NRXN1: variants seen among roughly 807,000 people sequenced by gnomAD.
NRXN1 encodes neurexin 1.
In NRXN1, 39 loss-of-function variants were observed where a neutral mutation model predicts 150.9. The observed-to-expected ratio is 0.26, with a 90% CI of 0.20 to 0.34. NRXN1 has a LOEUF of 0.34. Ranked by LOEUF, NRXN1 falls within the 10% of genes least tolerant of loss-of-function variation. The pLI is 1.00. For missense variants in NRXN1, 1,815 were observed against 1,949.9 expected (o/e 0.93, Z 1.30); for synonymous variants, 924 against 757.0 (o/e 1.22, Z -3.62).
intron 17 of NRXN1, among the ~76,000 whole-genome samples, chr2:50,315,364 C>A (rs1441881109): frequency 6.6e-6 from 1 of 152,038 alleles, no homozygotes; most frequent in Non-Finnish European, 1.5e-5. Flanking sequence ...CAATGGAAAC[C>A]ATATTTAGAA....
chr2:50,033,075 T>G (rs1689427294), intron 21 of NRXN1, among the ~76,000 whole-genome samples: 1 of 151,890 alleles, frequency 6.6e-6, no homozygotes. Context: ...ATGTTATATT[T>G]GTCTCTATTA....
chr2:50,748,668 G>A (rs1700258924), intron 5 of NRXN1, among the ~76,000 whole-genome samples: 1 of 152,048 alleles, frequency 6.6e-6, no homozygotes, highest in African/African-American at 2.4e-5. Flanking sequence ...GTAATTGATA[G>A]CTTTTCACCC....
At chr2:50,478,712 A>G (rs1227249573) in intron 15 of NRXN1, among the ~76,000 whole-genome samples, 1 of 152,194 alleles carries the variant, frequency 6.6e-6, no homozygotes, top group Admixed American at 6.5e-5. Context: ...TCAAACCTTC[A>G]TCATCTCCCT....
intron 5 of NRXN1, among the ~76,000 whole-genome samples, chr2:50,776,630 T>TGA (rs1223151938): frequency 6.5e-5 from 8 of 123,854 alleles, no homozygotes; most frequent in Admixed American, 1.9e-4. Flanking sequence ...ATACATATAG[T>TGA]GAGATATATA....
chr2:49,992,562 C>CA (rs2152522301), intron 21 of NRXN1, among the ~76,000 whole-genome samples: 1 of 151,770 alleles, frequency 6.6e-6, no homozygotes, highest in South Asian at 2.1e-4. Context: ...GACTCTGTCT[C>CA]AAAAAACAAA....
At chr2:50,712,282 A>C (rs1695269399) in intron 5 of NRXN1, among the ~76,000 whole-genome samples, 1 of 152,148 alleles carries the variant, frequency 6.6e-6, no homozygotes, top group Non-Finnish European at 1.5e-5. Context: ...TTTCCTTTCC[A>C]ATGCTGTATC....
chr2:50,583,845 C>CA (rs1225976463), intron 8 of NRXN1, among the ~76,000 whole-genome samples: 2 of 152,272 alleles, frequency 1.3e-5, no homozygotes, highest in African/African-American at 4.8e-5. Context: ...GATGATGATA[C>CA]ACAAAATATT....
At chr2:50,792,405 G>A (rs1038459329) in intron 5 of NRXN1, among the ~76,000 whole-genome samples, 1 of 152,048 alleles carries the variant, frequency 6.6e-6, no homozygotes, top group Admixed American at 6.6e-5. Context: ...CTAGTACAGT[G>A]CAGACTGACC....
chr2:50,610,028 T>A (rs1677770533), intron 8 of NRXN1, among the ~76,000 whole-genome samples: 1 of 152,148 alleles, frequency 6.6e-6, no homozygotes, highest in African/African-American at 2.4e-5. Flanking sequence ...TTTAAATGTG[T>A]TTCAAGAGTG....
At chr2:50,927,789 T>C (rs1315860496) in intron 2 of NRXN1, among the ~76,000 whole-genome samples, 1 of 151,998 alleles carries the variant, frequency 6.6e-6, no homozygotes, top group African/African-American at 2.4e-5. Flanking sequence ...GCTACAGCAT[T>C]ATTTAATTTC....
At chr2:49,948,186 T>C (rs1014055278) in intron 21 of NRXN1, among the ~76,000 whole-genome samples, 5 of 152,084 alleles carry the variant, frequency 3.3e-5, no homozygotes, top group African/African-American at 1.2e-4. Context: ...TGTGACTCAG[T>C]GGGTAGTGTT....
chr2:50,147,312 C>T (rs1426385319), intron 18 of NRXN1, among the ~76,000 whole-genome samples: 1 of 151,718 alleles, frequency 6.6e-6, no homozygotes, highest in African/African-American at 2.4e-5. Flanking sequence ...AAGGCATATG[C>T]ATTATCTTTA....
At chr2:50,016,985 A>G (rs1686746160) in intron 21 of NRXN1, among the ~76,000 whole-genome samples, 3 of 152,104 alleles carry the variant, frequency 2.0e-5, no homozygotes, top group Admixed American at 6.6e-5. Context: ...AAGCCCATCC[A>G]TCCTGCCACC....
At chr2:50,435,506 G>A (rs1374849707) in intron 17 of NRXN1, among the ~76,000 whole-genome samples, 2 of 151,976 alleles carry the variant, frequency 1.3e-5, no homozygotes, top group African/African-American at 4.8e-5. Flanking sequence ...AGTATTCCAT[G>A]GTATATATGT....
At chr2:50,220,206 A>G (rs1231864828) in intron 18 of NRXN1, among the ~76,000 whole-genome samples, 1 of 150,708 alleles carries the variant, frequency 6.6e-6, no homozygotes, top group Non-Finnish European at 1.5e-5. Context: ...CATGAGGGAA[A>G]CATATTATTT....
intron 16 of NRXN1, among the ~76,000 whole-genome samples, chr2:50,470,794 T>G (rs543238616): frequency 7.4e-4 from 112 of 151,876 alleles, no homozygotes; most frequent in African/African-American, 2.6e-3. Context: ...AAGAATTTGC[T>G]CAAATAATCT....
chr2:50,679,283 T>C (rs1404609590), intron 5 of NRXN1, among the ~76,000 whole-genome samples: 4 of 152,008 alleles, frequency 2.6e-5, no homozygotes, highest in Admixed American at 6.6e-5. Flanking sequence ...ATTCTTGGAG[T>C]ATGGGACAAA....
At chr2:50,822,487 T>G (rs1379586157) in intron 5 of NRXN1, among the ~76,000 whole-genome samples, 1 of 152,154 alleles carries the variant, frequency 6.6e-6, no homozygotes, top group African/African-American at 2.4e-5. Flanking sequence ...TCTTGAGAGA[T>G]CTCACCTTTG....
intron 18 of NRXN1, among the ~76,000 whole-genome samples, chr2:50,216,675 GA>G (rs1169428419): frequency 1.3e-5 from 2 of 151,832 alleles, no homozygotes; most frequent in African/African-American, 2.4e-5. Flanking sequence ...ATTGAGCTTA[GA>G]AAGACACAGC....
Sources: allele counts gnomAD v4.1 joint callset (sites outside exome capture counted in the v4.1 genomes callset), GRCh38; gene constraint gnomAD v4.1.1; transcripts MANE v1.5; gene names NCBI Gene and HGNC (gene_info 2026-07-23, HGNC 2026-07-21).